Variants in POM121 observed in about 807,000 individuals in gnomAD.
The protein encoded by POM121 is POM121 transmembrane nucleoporin, also known as nuclear envelope pore membrane protein POM 121.
POM121 carries 32 observed loss-of-function variants against 81.3 expected under a neutral mutation model. The observed-to-expected ratio is 0.39, with a 90% CI of 0.30 to 0.53. POM121 has a LOEUF of 0.53. Among genes scored for constraint, POM121 ranks in the 20% least tolerant of loss-of-function variants. The pLI, the probability that POM121 is intolerant of heterozygous loss-of-function variation, is 0.66. For synonymous variants in POM121, 514 were observed against 694.2 expected (o/e 0.74, Z 4.08); for missense variants, 1,138 against 1,614.6 (o/e 0.70, Z 5.06).
At chr7:72,926,998 C>G (rs782756414) in intron 3 of POM121, 35 bp downstream of exon 3, 3 of 1,613,756 alleles carry the variant, frequency 1.9e-6, no homozygotes, top group Non-Finnish European at 2.5e-6. Flanking sequence ...GCCGGTTTCG[C>G]GCTTGGACTC....
chr7:72,888,401 G>C (rs1439581527), intron 1 of POM121, among the ~76,000 whole-genome samples: 4 of 152,232 alleles, frequency 2.6e-5, no homozygotes, highest in Non-Finnish European at 5.9e-5. Context: ...GTAGAGATGG[G>C]GTTTCACCAT....
At chr7:72,945,406 G>C (rs1251090071) in intron 11 of POM121, among the ~76,000 whole-genome samples, 180 bp from the exon 12 acceptor site, 38 of 151,994 alleles carry the variant, frequency 2.5e-4, no homozygotes, top group Non-Finnish European at 5.4e-4. Flanking sequence ...AGGCTGAGCT[G>C]GGGCACCAGG....
intron 3 of POM121, among the ~76,000 whole-genome samples, chr7:72,904,687 A>G (rs1554493140): frequency 6.6e-6 from 1 of 152,172 alleles, no homozygotes; most frequent in East Asian, 1.9e-4. Context: ...TTCTTGATTC[A>G]GTGTTCATTT....
chr7:72,891,966 A>T (rs1791339486), intron 3 of POM121, among the ~76,000 whole-genome samples: 1 of 152,092 alleles, frequency 6.6e-6, no homozygotes, highest in Non-Finnish European at 1.5e-5. Flanking sequence ...TGATGTGATG[A>T]TGTAGCGCTC....
chr7:72,900,552 T>C (rs1554492492), intron 3 of POM121, among the ~76,000 whole-genome samples: 1 of 152,184 alleles, frequency 6.6e-6, no homozygotes, highest in Non-Finnish European at 1.5e-5. Flanking sequence ...TCACCCAGGC[T>C]GGAGTGCAGT....
At chr7:72,928,843 G>T (rs1554498071) in intron 4 of POM121, among the ~76,000 whole-genome samples, 1 of 152,186 alleles carries the variant, frequency 6.6e-6, no homozygotes, top group Non-Finnish European at 1.5e-5. Context: ...AAGGAAAGTG[G>T]CTCAAAAGTA....
At chr7:72,909,093 A>G (rs574835546) in intron 3 of POM121, among the ~76,000 whole-genome samples, 8 of 152,352 alleles carry the variant, frequency 5.3e-5, no homozygotes, top group African/African-American at 1.7e-4. Flanking sequence ...AGAAATTATA[A>G]AAGTATTAAT....
downstream of POM121, chr7:72,949,161 TCG>T: frequency 1.5e-6 from 2 of 1,302,852 alleles, no homozygotes; most frequent in South Asian, 2.4e-5. Context: ...CCTGAAATCC[TCG>T]CTCCTGAAAT....
intron 4 of POM121, among the ~76,000 whole-genome samples, chr7:72,917,884 AAG>A (rs1554495352): frequency 2.0e-5 from 3 of 152,224 alleles, no homozygotes; most frequent in Non-Finnish European, 1.5e-5. Context: ...GGGCAGGGTA[AAG>A]AGTGAGTCAT....
chr7:72,881,218 CTA>C (rs1409691143), intron 1 of POM121, among the ~76,000 whole-genome samples: 2 of 151,988 alleles, frequency 1.3e-5, no homozygotes, highest in African/African-American at 4.8e-5. Context: ...GCATGTGACA[CTA>C]TGCCTGGCTA....
intron 5 of POM121, among the ~76,000 whole-genome samples, chr7:72,931,055 A>G (rs1213305939): frequency 3.9e-5 from 6 of 152,286 alleles, no homozygotes; most frequent in Non-Finnish European, 7.4e-5. Context: ...GAGAGGAGGA[A>G]GATTTTGAGA....
At chr7:72,880,881 G>T (rs1554489188) in intron 1 of POM121, among the ~76,000 whole-genome samples, 1 of 131,202 alleles carries the variant, frequency 7.6e-6, no homozygotes, top group African/African-American at 2.9e-5. Context: ...TTGAGACCCT[G>T]TCTCAACCAA....
At chr7:72,882,006 C>G (rs1790206952) in intron 1 of POM121, among the ~76,000 whole-genome samples, 1 of 151,988 alleles carries the variant, frequency 6.6e-6, no homozygotes. Context: ...CAGATCAGCA[C>G]CAAAAATGAT....
At chr7:72,928,907 T>A (rs1247910392) in intron 4 of POM121, among the ~76,000 whole-genome samples, 1 of 152,198 alleles carries the variant, frequency 6.6e-6, no homozygotes, top group Non-Finnish European at 1.5e-5. Flanking sequence ...AGCAGTGTGA[T>A]GTGGCCGCCA....
chr7:72,907,001 T>C (rs1793307192), intron 3 of POM121, among the ~76,000 whole-genome samples: 1 of 152,152 alleles, frequency 6.6e-6, no homozygotes, highest in African/African-American at 2.4e-5. Context: ...ATACTTAATT[T>C]TAGATGGGTT....
upstream of POM121, among the ~76,000 whole-genome samples, chr7:72,923,955 T>C (rs1795094134): frequency 6.8e-6 from 1 of 147,484 alleles, no homozygotes; most frequent in African/African-American, 2.5e-5. Context: ...AATTTTTTTT[T>C]CTTTTTTTGA....
In POM121 at chr7:72,925,292, G is replaced by A; in HGVS notation, c.171G>A (p.Trp57Ter). 6.5e-7 allele frequency: 1 copy of A among 1,534,620 alleles called. No individual in the cohort carries two copies. The change falls in exon 1 of 13, where the codon TGG becomes TGA. Residue 57 changes from tryptophan to a stop codon, truncating the protein, a stop_gained. Transcript: ENST00000434423. LOFTEE classifies it high-confidence loss of function. ...YLVPAAAALA[W>*]LTVGATAAWW... ...TGCCGGCTGCGGCTGCACTGGCCTG[G>A]CTGACCGTGGGGGCTACCGCGGCCT...
intron 11 of POM121, among the ~76,000 whole-genome samples, chr7:72,945,219 G>A (rs1563174857): frequency 6.6e-6 from 1 of 152,170 alleles, no homozygotes; most frequent in East Asian, 1.9e-4. Context: ...CAGAGGGGAG[G>A]GGACGGTGGC....
At position 72,933,628 on chromosome 7, in the gene POM121, A is replaced by AGAGAGC. The variant is rs1796236068; in HGVS notation, c.1275+3518_1275+3519insAGAGCG. ...CTCACGCGTTGCTGGTGGGAGTGTC[A>AGAGAGC]GTTGGTACAGCTCTCTAGAGGGCTT... is the stretch of plus-strand genomic sequence containing the variant. On this transcript the variant is annotated intron_variant, in intron 5 of 12. Coordinates refer to ENST00000434423, the MANE Select transcript of POM121 (RefSeq NM_001387691.1). Among the ~76,000 whole-genome samples, 3 of 152,246 alleles carry AGAGAGC rather than the reference A, an allele frequency of 2.0e-5. No homozygotes were observed. In the South Asian group the frequency reaches 6.2e-4, roughly 31 times the overall value.
Sources: gnomAD v4.1 joint callset for allele counts (sites outside exome capture counted in the v4.1 genomes callset) on GRCh38, gnomAD v4.1.1 for gene constraint, MANE v1.5 for transcripts, NCBI Gene and HGNC (gene_info 2026-07-23, HGNC 2026-07-21) for gene names.